The following MYT1L variants were observed in gnomAD, a reference collection of about 807,000 sequenced individuals.
MYT1L encodes the protein myelin transcription factor 1-like protein.
Under a neutral mutation model 126.7 loss-of-function variants are expected in MYT1L, and 12 were observed. The ratio of observed to expected loss-of-function variants is 0.09; its 90% CI spans 0.06 to 0.15. MYT1L has a LOEUF of 0.15. Ranked by LOEUF, MYT1L falls within the 10% of genes least tolerant of loss-of-function variation. The pLI is 1.00. For synonymous variants in MYT1L, 541 were observed against 604.2 expected (o/e 0.90, Z 1.53); for missense variants, 979 against 1,585.2 (o/e 0.62, Z 6.49).
At chr2:1,847,783 G>T (rs776500771) in intron 19 of MYT1L, among the ~76,000 whole-genome samples, 1 of 152,172 alleles carries the variant, frequency 6.6e-6, no homozygotes, top group Non-Finnish European at 1.5e-5. Flanking sequence ...CACTGAGGAC[G>T]GAGAGTCGGC....
intron 9 of MYT1L, among the ~76,000 whole-genome samples, chr2:1,937,712 C>T (rs1049864513): frequency 8.6e-5 from 13 of 150,958 alleles, no homozygotes; most frequent in South Asian, 2.1e-4. Context: ...GATCACAAGT[C>T]GAGAAGGCCC....
At chr2:1,842,484 G>T (rs1021211994) in intron 19 of MYT1L, 1 of 152,280 alleles carries the variant, frequency 6.6e-6, no homozygotes, top group Non-Finnish European at 1.5e-5. Flanking sequence ...GAAAGAGGCG[G>T]CGAGGCGAGG....
At chr2:1,935,230 T>G (rs554301823) in intron 9 of MYT1L, among the ~76,000 whole-genome samples, 1 of 152,240 alleles carries the variant, frequency 6.6e-6, no homozygotes, top group African/African-American at 2.4e-5. Flanking sequence ...TATACACACC[T>G]CTTCCATACT....
At chr2:2,096,031 C>T (rs533941631) in intron 3 of MYT1L, among the ~76,000 whole-genome samples, 3 of 152,278 alleles carry the variant, frequency 2.0e-5, no homozygotes, top group South Asian at 2.1e-4. Flanking sequence ...ACATGGTTCA[C>T]GCATGCTTAA....
chr2:1,850,186 TCCTTCCTTCCTTCCTTCCTTCCTTCCTTC>T lies in MYT1L; in HGVS notation c.2774+1426_2774+1454del, dbSNP rs2043062014. On this transcript the variant is annotated intron_variant, in intron 19 of 24. Coordinates refer to ENST00000647738, the MANE Select transcript of MYT1L (RefSeq NM_001303052.2). ...CTTCCCTTCCCCTCCCCCTCCCCCT[TCCTTCCTTCCTTCCTTCCTTCCTTCCTTC>T]CTTCCTTCCTTCCTTCCTTCCTTCC... Among the ~76,000 whole-genome samples, 3 of 1,694 alleles carry T rather than the reference TCCTTCCTTCCTTCCTTCCTTCCTTCCTTC, an allele frequency of 1.8e-3. No homozygotes were observed. In the African/African-American group the frequency reaches 0.031, roughly 18 times the overall value. 1.1% of individuals were successfully genotyped at this position (1,694 alleles called of 152,430 possible). A position where few individuals can be genotyped will look rare whatever the true frequency, so the allele number is the denominator to read the frequency against.
At chr2:1,854,394 C>T (rs976545137) in intron 18 of MYT1L, among the ~76,000 whole-genome samples, 3 of 152,034 alleles carry the variant, frequency 2.0e-5, no homozygotes, top group Non-Finnish European at 2.9e-5. Context: ...TACCCAAGTC[C>T]GCTAAATAAG....
intron 21 of MYT1L, among the ~76,000 whole-genome samples, chr2:1,826,309 C>T (rs2039327781): frequency 6.6e-6 from 1 of 152,210 alleles, no homozygotes; most frequent in African/African-American, 2.4e-5. Context: ...GAGGGCCCTG[C>T]TGAAGCTCAG....
chr2:1,857,720 G>A (rs1178419706), intron 18 of MYT1L, among the ~76,000 whole-genome samples: 1 of 152,050 alleles, frequency 6.6e-6, no homozygotes, highest in Non-Finnish European at 1.5e-5. Flanking sequence ...TTCTGGCCAC[G>A]TGAATAAGCC....
intron 3 of MYT1L, among the ~76,000 whole-genome samples, chr2:2,105,549 T>C (rs760006527): frequency 6.6e-6 from 1 of 152,242 alleles, no homozygotes; most frequent in African/African-American, 2.4e-5. Flanking sequence ...ATATGTTCTT[T>C]TTTAATGACA....
rs1254439744 is a variant in MYT1L, at chr2:1,848,200, G to C, written c.2774+3441C>G. On this transcript the variant is annotated intron_variant, in intron 19 of 24. Coordinates refer to ENST00000647738, the MANE Select transcript of MYT1L (RefSeq NM_001303052.2). The surrounding 1 kb of genome is among the most constrained non-coding windows in gnomAD (Gnocchi z 4.8). ...TTGGCCTCAGTTTTCTCTCAGATGG[G>C]AGCTGGGAATGCTCTGCAACTGCAG... Among the ~76,000 whole-genome samples, 1 of 152,246 alleles carries C rather than the reference G, an allele frequency of 6.6e-6. No homozygotes were observed. Among genetic ancestry groups the C allele is most frequent in the Admixed American group, 6.5e-5 (1 of 15,292 alleles).
chr2:2,217,691 C>A (rs138493208), intron 2 of MYT1L, among the ~76,000 whole-genome samples: 3,577 of 68,314 alleles, frequency 0.052, 197 homozygotes, highest in African/African-American at 0.08. Context: ...ACAACAACAA[C>A]AACAACAACA....
At chr2:2,147,551 G>C (rs1037100752) in intron 3 of MYT1L, among the ~76,000 whole-genome samples, 3 of 152,230 alleles carry the variant, frequency 2.0e-5, no homozygotes, top group Non-Finnish European at 2.9e-5. Context: ...CTGACTGTCT[G>C]TTCAGGCACA....
intron 9 of MYT1L, among the ~76,000 whole-genome samples, chr2:1,927,653 CAT>C (rs1160095369): frequency 1.3e-5 from 2 of 152,124 alleles, no homozygotes; most frequent in African/African-American, 4.8e-5. Context: ...GAATAGAAAA[CAT>C]AGAGGAAGCC....
At chr2:1,864,111 C>T (rs546887616) in intron 18 of MYT1L, among the ~76,000 whole-genome samples, 1 of 152,210 alleles carries the variant, frequency 6.6e-6, no homozygotes, top group Non-Finnish European at 1.5e-5. Flanking sequence ...TGGATGGTGA[C>T]AGGCCGGGCT....
intron 3 of MYT1L, among the ~76,000 whole-genome samples, chr2:2,125,375 T>C (rs1429879595): frequency 6.6e-6 from 1 of 152,232 alleles, no homozygotes; most frequent in Non-Finnish European, 1.5e-5. Context: ...TACACATCAA[T>C]GAATAATTTC....
chr2:2,227,378 T>TC (rs901706173), intron 2 of MYT1L, among the ~76,000 whole-genome samples: 5 of 152,106 alleles, frequency 3.3e-5, no homozygotes, highest in African/African-American at 1.2e-4. Context: ...ATCTCAAGCT[T>TC]CCCCGTCCAC....
intron 3 of MYT1L, among the ~76,000 whole-genome samples, chr2:2,143,487 C>T (rs1336308664): frequency 3.3e-5 from 5 of 152,010 alleles, no homozygotes; most frequent in Admixed American, 6.6e-5. Context: ...TGGAAGCCAA[C>T]GTTTATCTTA....
intron 2 of MYT1L, among the ~76,000 whole-genome samples, chr2:2,185,455 TCGAGTC>T (rs2092015314): frequency 5.7e-5 from 7 of 122,290 alleles, no homozygotes; most frequent in African/African-American, 1.2e-4. Context: ...CCGGGCCTCC[TCGAGTC>T]CCGCGTTCCT....
In MYT1L at chr2:1,944,181, C is replaced by T. The variant is rs1181821280; in HGVS notation, c.153-847G>A. Among the ~76,000 whole-genome samples the T allele has an allele frequency of 2.6e-5, 4 of 152,074 alleles. No homozygotes were observed. The South Asian group carries it at 8.3e-4, about 32-fold the overall frequency. On this transcript the variant is annotated intron_variant, in intron 8 of 24. Transcript: ENST00000647738. ...GGTTTGTTACATATGTATATGTGTG[C>T]CATGTTGGTATATTACATTAGATAT...
Sources: gnomAD v4.1 joint callset for allele counts (sites outside exome capture counted in the v4.1 genomes callset) on GRCh38, gnomAD v4.1.1 for gene constraint, Gnocchi (gnomAD v3.1) non-coding constraint, MANE v1.5 for transcripts, NCBI Gene and HGNC (gene_info 2026-07-23, HGNC 2026-07-21) for gene names.